Variants in OXCT1 observed in about 807,000 individuals in gnomAD.
OXCT1 encodes 3-oxoacid CoA-transferase 1.
A neutral mutation model predicts 69.6 loss-of-function variants in OXCT1; 27 were observed. The observed-to-expected ratio is 0.39, with a 90% CI of 0.29 to 0.54. The LOEUF is 0.54. Among genes scored for constraint, OXCT1 ranks in the 20% least tolerant of loss-of-function variants. The pLI is 0.72. For missense variants in OXCT1, 437 were observed against 650.2 expected, an observed-to-expected ratio of 0.67 and a Z score of 3.57; for synonymous variants, 202 against 217.8, an observed-to-expected ratio of 0.93 and a Z score of 0.64.
chr5:41,749,746 C>T (rs1341303385), intron 14 of OXCT1, 139 bp from the exon 15 acceptor site: 4 of 658,758 alleles, frequency 6.1e-6, no homozygotes, highest in Non-Finnish European at 1.1e-5. Flanking sequence ...TGCACAGTTA[C>T]ATTTTTTACT....
At chr5:41,820,323 A>C (rs1402832799) in intron 7 of OXCT1, among the ~76,000 whole-genome samples, 2 of 152,160 alleles carry the variant, frequency 1.3e-5, no homozygotes, top group Admixed American at 6.5e-5. Context: ...GAGGGGTTAT[A>C]ATTGAAATTA....
chr5:41,867,990 A>G (rs1750079381), intron 1 of OXCT1, among the ~76,000 whole-genome samples: 1 of 152,254 alleles, frequency 6.6e-6, no homozygotes, highest in African/African-American at 2.4e-5. Flanking sequence ...GACCAGCAGC[A>G]TCAACATCAC....
chr5:41,852,374 C>G (rs375421778), intron 4 of OXCT1, among the ~76,000 whole-genome samples: 16 of 152,150 alleles, frequency 1.1e-4, no homozygotes, highest in Admixed American at 3.9e-4. Context: ...GATTTCATTA[C>G]TAATTTTTAA....
At chr5:41,838,256 A>G (rs1350976074) in intron 7 of OXCT1, among the ~76,000 whole-genome samples, 14 of 152,194 alleles carry the variant, frequency 9.2e-5, no homozygotes, top group Admixed American at 9.2e-4. Context: ...CACAAAGCCA[A>G]AACAGAGTTT....
chr5:41,836,978 A>C (rs963628751), intron 7 of OXCT1, among the ~76,000 whole-genome samples: 2 of 152,172 alleles, frequency 1.3e-5, no homozygotes, highest in Admixed American at 1.3e-4. Flanking sequence ...AAACATACTC[A>C]TTTACTTCTT....
chr5:41,831,152 T>C (rs541175317), intron 7 of OXCT1, among the ~76,000 whole-genome samples: 1 of 152,308 alleles, frequency 6.6e-6, no homozygotes, highest in African/African-American at 2.4e-5. Context: ...GAAAAACATA[T>C]TGCCATTATT....
chr5:41,789,961 T>C (rs77287927), intron 13 of OXCT1, among the ~76,000 whole-genome samples: 3,596 of 152,332 alleles, frequency 0.024, 57 homozygotes, highest in South Asian at 0.063. Context: ...ATCAATTTTA[T>C]GTGCTCAGAC....
chr5:41,758,017 A>G (rs1744168179), intron 14 of OXCT1, among the ~76,000 whole-genome samples: 1 of 152,128 alleles, frequency 6.6e-6, no homozygotes, highest in Non-Finnish European at 1.5e-5. Flanking sequence ...ACGTAGGGGC[A>G]GTCAGCAGTC....
rs1389149102 is a variant in OXCT1, at chr5:41,864,807, T to C, written c.79-2057A>G. ...ATACTCCACTTCTCATTTTTTGATA[T>C]AAAATAAATCTTTGTGAGTGTTCTA... On this transcript the variant is annotated intron_variant, in intron 1 of 16. Coordinates refer to ENST00000196371, the MANE Select transcript of OXCT1 (RefSeq NM_000436.4). Among the ~76,000 whole-genome samples, 7 of 152,200 alleles carry C rather than the reference T, an allele frequency of 4.6e-5. No homozygotes were observed. The East Asian group carries it at 1.2e-3, about 25-fold the overall frequency.
Position 41,821,823 on chromosome 5 carries a change from T to C in OXCT1, c.733-14385A>G, listed in dbSNP as rs115347519. The stretch of plus-strand genomic sequence containing the variant: ...GTTGAGTTTTAATTGTTTTTGCATA[T>C]GTTTGACACCAGTCTTTTATAAGAT... On this transcript the variant is annotated intron_variant, in intron 7 of 16. Coordinates refer to ENST00000196371, the MANE Select transcript of OXCT1 (RefSeq NM_000436.4). Among the ~76,000 whole-genome samples the C allele has an allele frequency of 4.9e-3, 741 of 152,350 alleles. 7 individuals are homozygous for C. Among genetic ancestry groups the C allele is most frequent in the African/African-American group, 0.017 (691 of 41,586 alleles).
chr5:41,864,160 A>C (rs1749861916), intron 1 of OXCT1, among the ~76,000 whole-genome samples: 2 of 152,208 alleles, frequency 1.3e-5, no homozygotes, highest in African/African-American at 2.4e-5. Flanking sequence ...AGAAAACAAG[A>C]AAGCAGATTC....
intron 13 of OXCT1, among the ~76,000 whole-genome samples, chr5:41,782,366 C>CA (rs1418421018): frequency 6.6e-6 from 1 of 152,044 alleles, no homozygotes; most frequent in Non-Finnish European, 1.5e-5. Flanking sequence ...AGGTGCATGC[C>CA]ACCATGCCTA....
At chr5:41,867,720 T>C (rs1750061331) in intron 1 of OXCT1, among the ~76,000 whole-genome samples, 1 of 152,168 alleles carries the variant, frequency 6.6e-6, no homozygotes, top group South Asian at 2.1e-4. Flanking sequence ...AGTTCACCAG[T>C]TGCACCAGAA....
intron 13 of OXCT1, among the ~76,000 whole-genome samples, chr5:41,765,983 G>C (rs1291383475): frequency 6.6e-6 from 1 of 152,094 alleles, no homozygotes; most frequent in African/African-American, 2.4e-5. Flanking sequence ...GTCACAGAGG[G>C]AAAGTGATAC....
At chr5:41,769,908 G>A (rs1365698520) in intron 13 of OXCT1, among the ~76,000 whole-genome samples, 3 of 152,048 alleles carry the variant, frequency 2.0e-5, no homozygotes, top group Non-Finnish European at 1.5e-5. Flanking sequence ...ACAGGCACGC[G>A]CCCACCATGC....
At chr5:41,829,427 T>C (rs1441428534) in intron 7 of OXCT1, among the ~76,000 whole-genome samples, 1 of 152,092 alleles carries the variant, frequency 6.6e-6, no homozygotes, top group Non-Finnish European at 1.5e-5. Context: ...CTATATAAAC[T>C]ATAAAAAATA....
At chr5:41,794,125 C>G in intron 12 of OXCT1, 47 bp from the exon 13 acceptor site, 1 of 1,434,694 alleles carries the variant, frequency 7.0e-7, no homozygotes, top group Non-Finnish European at 9.8e-7. Flanking sequence ...AAGCTTTTGT[C>G]CCCTTTGCTT....
In OXCT1 at chr5:41,784,390, C is replaced by CA. The variant is rs199713460; in HGVS notation, c.1248+9612dup. 3.8e-3 allele frequency among the ~76,000 whole-genome samples: 577 copies of CA among 152,218 alleles called. 2 individuals are homozygous for CA. The highest frequency in any genetic ancestry group is 0.013 in the African/African-American group (556 of 41,532). On this transcript the variant is annotated intron_variant, in intron 13 of 16. Coordinates refer to ENST00000196371, the MANE Select transcript of OXCT1 (RefSeq NM_000436.4). Reference sequence around the variant, plus strand: ...AACAAACATGCAAATGGTCCACCTACAAAAAAATCCCACCATGAATAAGAG... The same window carrying CA: ...AACAAACATGCAAATGGTCCACCTACAAAAAAAATCCCACCATGAATAAGAG...
chr5:41,778,061 C>T (rs1164851598), intron 13 of OXCT1, among the ~76,000 whole-genome samples: 1 of 152,166 alleles, frequency 6.6e-6, no homozygotes, highest in Admixed American at 6.5e-5. Flanking sequence ...TGAGTCAAAG[C>T]TTATGAGGAG....
Sources: gnomAD v4.1 joint callset for allele counts (sites outside exome capture counted in the v4.1 genomes callset) on GRCh38, gnomAD v4.1.1 for gene constraint, MANE v1.5 for transcripts, NCBI Gene and HGNC (gene_info 2026-07-23, HGNC 2026-07-21) for gene names.